ZC3H7A: variants seen among roughly 807,000 people sequenced by gnomAD.
The protein encoded by ZC3H7A is zinc finger CCCH-type containing 7A.
In ZC3H7A, 44 loss-of-function variants were observed where a neutral mutation model predicts 125.5. The ratio of observed to expected loss-of-function variants is 0.35; its 90% CI spans 0.28 to 0.45. ZC3H7A has a LOEUF of 0.45. ZC3H7A is among the 20% of genes least tolerant of loss of function. The probability of loss-of-function intolerance (pLI) is 1.00; values close to 1 mark genes in which losing one functional copy is unlikely to be tolerated. For synonymous variants in ZC3H7A, 399 were observed against 391.2 expected, an observed-to-expected ratio of 1.02 and a Z score of -0.23; for missense variants, 977 against 1,170.7, an observed-to-expected ratio of 0.83 and a Z score of 2.41.
intron 7 of ZC3H7A, 109 bp downstream of exon 7, chr16:11,776,211 A>C: frequency 9.4e-7 from 1 of 1,065,802 alleles, no homozygotes; most frequent in Admixed American, 2.3e-5. Context: ...GTGTTTGAGG[A>C]ATTAAAAAGG....
At chr16:11,787,303 TTAAA>T (rs1469642576) in intron 1 of ZC3H7A, among the ~76,000 whole-genome samples, 2 of 152,146 alleles carry the variant, frequency 1.3e-5, no homozygotes, top group African/African-American at 4.8e-5. Flanking sequence ...ATCTTGTCTC[TTAAA>T]TAAAGAAAAG....
chr16:11,794,868 A>G (rs891353986), intron 1 of ZC3H7A, among the ~76,000 whole-genome samples: 1 of 152,230 alleles, frequency 6.6e-6, no homozygotes, highest in African/African-American at 2.4e-5. Flanking sequence ...ATTTGCAAAA[A>G]CTGACAGAAT....
chr16:11,785,513 A>C (rs1008254533), intron 1 of ZC3H7A, among the ~76,000 whole-genome samples: 1 of 152,112 alleles, frequency 6.6e-6, no homozygotes, highest in African/African-American at 2.4e-5. Flanking sequence ...CTCAAAAATA[A>C]TATTTTTTTA....
chr16:11,793,748 C>T (rs897141724), intron 1 of ZC3H7A, among the ~76,000 whole-genome samples: 1 of 152,220 alleles, frequency 6.6e-6, no homozygotes, highest in African/African-American at 2.4e-5. Flanking sequence ...CCTCAGAAGG[C>T]TGCAAACCCA....
Position 11,750,655 on chromosome 16 carries a change from G to A in ZC3H7A, c.*662C>T, listed in dbSNP as rs1170538056. On this transcript the variant is annotated 3_prime_UTR_variant, in exon 23 of 23. Coordinates refer to ENST00000355758, the MANE Select transcript of ZC3H7A (RefSeq NM_014153.4). ...TCCATACACTAACACAATACCAACA[G>A]TACAGGTTTAATCTTTCAAAATCAT... 6.6e-6 allele frequency: 1 copy of A among 152,544 alleles called. No individual in the cohort carries two copies. The allele number at this position is 152,544 out of a possible 1,614,324, so 9.4% of individuals were successfully genotyped here.
intron 15 of ZC3H7A, among the ~76,000 whole-genome samples, chr16:11,764,550 A>G (rs1355236892): frequency 1.3e-5 from 2 of 151,976 alleles, no homozygotes; most frequent in Non-Finnish European, 2.9e-5. Flanking sequence ...CTTCGTCTCA[A>G]AAAAATTAAA....
chr16:11,775,422 C>T, intron 7 of ZC3H7A: 1 of 157,436 alleles, frequency 6.4e-6, no homozygotes, highest in Non-Finnish European at 1.4e-5. Context: ...GAGAACAATG[C>T]AGGTTTCCAC....
chr16:11,786,598 A>T (rs1399185567), intron 1 of ZC3H7A, among the ~76,000 whole-genome samples: 1 of 152,246 alleles, frequency 6.6e-6, no homozygotes, highest in African/African-American at 2.4e-5. Context: ...AAGGAAACGG[A>T]AAATGGATAC....
intron 19 of ZC3H7A, among the ~76,000 whole-genome samples, chr16:11,761,119 C>T (rs2052745574): frequency 6.6e-6 from 1 of 152,130 alleles, no homozygotes; most frequent in Admixed American, 6.6e-5. Context: ...ATTCCCTCTC[C>T]AAAGTAATTC....
At chr16:11,776,230 A>C in intron 7 of ZC3H7A, 90 bp downstream of exon 7, 1 of 1,343,678 alleles carries the variant, frequency 7.4e-7, no homozygotes, top group Admixed American at 2.2e-5. Context: ...GGTTCCAAAA[A>C]TAAACACACA....
At chr16:11,790,076 T>C (rs1475096926) in intron 1 of ZC3H7A, among the ~76,000 whole-genome samples, 1 of 83,176 alleles carries the variant, frequency 1.2e-5, no homozygotes, top group Non-Finnish European at 2.0e-5. Context: ...TGAGACTCCA[T>C]CTCAAAAAAA....
intron 17 of ZC3H7A, among the ~76,000 whole-genome samples, chr16:11,762,352 A>C (rs1295884909): frequency 6.6e-6 from 1 of 152,180 alleles, no homozygotes; most frequent in African/African-American, 2.4e-5. Flanking sequence ...GAGACATGCC[A>C]GGTGGAAAGC....
intron 1 of ZC3H7A, among the ~76,000 whole-genome samples, chr16:11,791,572 G>T (rs1008120535): frequency 6.6e-6 from 1 of 152,166 alleles, no homozygotes; most frequent in African/African-American, 2.4e-5. Flanking sequence ...CTTGAACAAA[G>T]AATGAAGTAA....
intron 1 of ZC3H7A, among the ~76,000 whole-genome samples, chr16:11,795,674 T>G (rs1342746499): frequency 6.6e-6 from 1 of 151,870 alleles, no homozygotes. Flanking sequence ...TGACCTCAGG[T>G]GATCCACACA....
intron 1 of ZC3H7A, chr16:11,796,257 T>C (rs1286915556): frequency 6.6e-6 from 1 of 152,228 alleles, no homozygotes; most frequent in Non-Finnish European, 1.5e-5. Flanking sequence ...CCGAAGTTTT[T>C]AAAATCAGAT....
At chr16:11,794,160 C>T (rs536449227) in intron 1 of ZC3H7A, among the ~76,000 whole-genome samples, 208 of 152,262 alleles carry the variant, frequency 1.4e-3, no homozygotes, top group African/African-American at 4.8e-3. Context: ...GACACTGATA[C>T]CACCACGATG....
At chr16:11,795,047 T>A (rs912759312) in intron 1 of ZC3H7A, among the ~76,000 whole-genome samples, 11 of 152,168 alleles carry the variant, frequency 7.2e-5, no homozygotes, top group African/African-American at 2.7e-4. Flanking sequence ...CAAATATTGA[T>A]AATATTGAGC....
chr16:11,794,388 A>C (rs373651736), intron 1 of ZC3H7A, among the ~76,000 whole-genome samples: 7 of 152,362 alleles, frequency 4.6e-5, no homozygotes, highest in African/African-American at 1.7e-4. Context: ...ATGTAAATTA[A>C]AACGTTATCA....
At position 11,776,374 on chromosome 16, in the gene ZC3H7A, G is replaced by C; in HGVS notation, c.547-16C>G. The C allele has an allele frequency of 6.2e-7, 1 of 1,608,564 alleles. No homozygotes were observed. The highest frequency in any genetic ancestry group is 8.5e-7 in the Non-Finnish European group (1 of 1,178,700). ...TTAATGAGAGCTGAAATAAAATAAA[G>C]ACACTAATTTAAAAACAGAACTGAC... On this transcript the variant is annotated splice_polypyrimidine_tract_variant and intron_variant, in intron 6 of 22. Transcript: ENST00000355758.
Sources: gnomAD v4.1 joint callset for allele counts (sites outside exome capture counted in the v4.1 genomes callset) on GRCh38, gnomAD v4.1.1 for gene constraint, MANE v1.5 for transcripts, NCBI Gene and HGNC (gene_info 2026-07-23, HGNC 2026-07-21) for gene names.